The following ITGB3BP variants were observed in gnomAD, a reference collection of about 807,000 sequenced individuals.
The protein encoded by ITGB3BP is integrin subunit beta 3 binding protein.
A neutral mutation model predicts 29.1 loss-of-function variants in ITGB3BP; 27 were observed. The observed-to-expected ratio is 0.93, with a 90% CI of 0.68 to 1.28. ITGB3BP has a LOEUF of 1.28. ITGB3BP is among the 50% of genes most tolerant of loss of function. ITGB3BP has a pLI of 0.00. For synonymous variants in ITGB3BP, 61 were observed against 61.4 expected (o/e 0.99, Z 0.03); for missense variants, 192 against 200.2 (o/e 0.96, Z 0.25).
At chr1:63,527,379 A>C (rs1646612318), upstream of ITGB3BP, among the ~76,000 whole-genome samples, 1 of 152,190 alleles carries the variant, frequency 6.6e-6, no homozygotes, top group South Asian at 2.1e-4. Flanking sequence ...TTTAAAAAGG[A>C]GTAACATGAA....
chr1:63,483,586 T>C (rs199922910), intron 3 of ITGB3BP, among the ~76,000 whole-genome samples: 1 of 152,234 alleles, frequency 6.6e-6, no homozygotes, highest in East Asian at 1.9e-4. Context: ...CATTATTTCC[T>C]TTCTACTTTG....
At chr1:63,518,501 A>C (rs1194648777) in intron 1 of ITGB3BP, among the ~76,000 whole-genome samples, 1 of 151,406 alleles carries the variant, frequency 6.6e-6, no homozygotes, top group Non-Finnish European at 1.5e-5. Context: ...CTTTCATCTA[A>C]GTACAATTTA....
At chr1:63,503,570 G>C (rs1270539340) in intron 2 of ITGB3BP, among the ~76,000 whole-genome samples, 1 of 152,136 alleles carries the variant, frequency 6.6e-6, no homozygotes, top group African/African-American at 2.4e-5. Context: ...TGGTGTTTTA[G>C]ACATGAAGTC....
chr1:63,504,187 A>C (rs371210756), intron 2 of ITGB3BP, among the ~76,000 whole-genome samples: 8 of 151,850 alleles, frequency 5.3e-5, no homozygotes, highest in Admixed American at 2.6e-4. Flanking sequence ...CTTTTATTTC[A>C]TTGAGCAGTG....
At chr1:63,488,115 A>C (rs751675416) in intron 3 of ITGB3BP, among the ~76,000 whole-genome samples, 3 of 152,236 alleles carry the variant, frequency 2.0e-5, no homozygotes, top group Admixed American at 6.6e-5. Flanking sequence ...TATAACTACA[A>C]ATGGATTTAA....
chr1:63,523,339 C>T, upstream of ITGB3BP: 2 of 647,412 alleles, frequency 3.1e-6, no homozygotes, highest in Non-Finnish European at 2.7e-6. Flanking sequence ...GAGTTCTAGG[C>T]CCAGGACAGC....
upstream of ITGB3BP, chr1:63,527,878 C>T (rs1354900307): frequency 6.6e-6 from 1 of 152,164 alleles, no homozygotes; most frequent in African/African-American, 2.4e-5. Context: ...AAGTTACATA[C>T]CTTTTTTCTC....
At chr1:63,470,360 G>T (rs945469779) in intron 4 of ITGB3BP, among the ~76,000 whole-genome samples, 15 of 152,142 alleles carry the variant, frequency 9.9e-5, no homozygotes, top group African/African-American at 3.6e-4. Context: ...TAAAAGAAGA[G>T]ACAAGGGTAC....
intron 2 of ITGB3BP, among the ~76,000 whole-genome samples, chr1:63,500,975 A>T (rs1218018390): frequency 6.6e-6 from 1 of 152,242 alleles, no homozygotes; most frequent in Non-Finnish European, 1.5e-5. Context: ...AGACAAATGG[A>T]ATTTATCTGG....
At chr1:63,513,935 T>C (rs1646255292) in intron 1 of ITGB3BP, among the ~76,000 whole-genome samples, 1 of 152,204 alleles carries the variant, frequency 6.6e-6, no homozygotes, top group South Asian at 2.1e-4. Context: ...ATTAAGTGTA[T>C]AGATGCGAGT....
chr1:63,504,047 A>G (rs1216839202), intron 2 of ITGB3BP, among the ~76,000 whole-genome samples: 1 of 151,836 alleles, frequency 6.6e-6, no homozygotes, highest in African/African-American at 2.4e-5. Flanking sequence ...CAATTCTGTG[A>G]AGAAAGTCAT....
chr1:63,516,348 G>A (rs1430400090), intron 1 of ITGB3BP, among the ~76,000 whole-genome samples: 26 of 48,656 alleles, frequency 5.3e-4, no homozygotes, highest in Non-Finnish European at 5.5e-4. Context: ...GAAGCGGAGC[G>A]GGGGAAGGTG....
chr1:63,493,234 T>A (rs1482006194), intron 2 of ITGB3BP, among the ~76,000 whole-genome samples: 4 of 151,982 alleles, frequency 2.6e-5, no homozygotes, highest in African/African-American at 9.7e-5. Context: ...CCTGGCAACA[T>A]GGAGAAACCC....
intron 2 of ITGB3BP, among the ~76,000 whole-genome samples, chr1:63,497,773 T>C (rs1183081929): frequency 1.3e-5 from 2 of 152,182 alleles, no homozygotes; most frequent in Non-Finnish European, 2.9e-5. Flanking sequence ...TGTTCTTTTC[T>C]TGATCCCTTC....
At chr1:63,455,002 G>T in intron 4 of ITGB3BP, 34 bp from the exon 5 acceptor site, 1 of 1,063,968 alleles carries the variant, frequency 9.4e-7, no homozygotes, top group South Asian at 1.3e-5. Context: ...ACTTAGCAAG[G>T]GGAAGCATTT....
chr1:63,468,852 A>C (rs535436819), intron 4 of ITGB3BP, among the ~76,000 whole-genome samples: 90 of 142,962 alleles, frequency 6.3e-4, no homozygotes, highest in African/African-American at 2.3e-3. Flanking sequence ...TAAGAGCAAA[A>C]CTCTGTCTCA....
chr1:63,480,084 A>C (rs1193258917), intron 3 of ITGB3BP, among the ~76,000 whole-genome samples: 1 of 152,160 alleles, frequency 6.6e-6, no homozygotes, highest in East Asian at 1.9e-4. Context: ...TTATTTATTT[A>C]AGATAACAAT....
At chr1:63,522,029 G>A (rs1646461437) in intron 1 of ITGB3BP, among the ~76,000 whole-genome samples, 1 of 152,190 alleles carries the variant, frequency 6.6e-6, no homozygotes, top group South Asian at 2.1e-4. Flanking sequence ...CTGGGGAAAG[G>A]AAAACCTCCT....
intron 1 of ITGB3BP, among the ~76,000 whole-genome samples, chr1:63,513,102 A>G (rs753398225): frequency 7.9e-5 from 12 of 152,316 alleles, no homozygotes; most frequent in East Asian, 3.9e-4. Context: ...ATGTATTGTA[A>G]TATCAGTGAT....
Sources: allele counts gnomAD v4.1 joint callset (sites outside exome capture counted in the v4.1 genomes callset), GRCh38; gene constraint gnomAD v4.1.1; transcripts MANE v1.5; gene names NCBI Gene and HGNC (gene_info 2026-07-23, HGNC 2026-07-21).